Variants in ZRANB3 observed in about 807,000 individuals in gnomAD.
ZRANB3 encodes the protein zinc finger RANBP2-type containing 3.
ZRANB3 carries 125 observed loss-of-function variants against 133.8 expected under a neutral mutation model. The observed-to-expected ratio is 0.93, with a 90% CI of 0.81 to 1.08. ZRANB3 has a LOEUF of 1.08. Ranked by LOEUF, ZRANB3 falls within the 50% of genes least tolerant of loss-of-function variation. The pLI, the probability that ZRANB3 is intolerant of heterozygous loss-of-function variation, is 0.00. For synonymous variants in ZRANB3, 387 were observed against 432.7 expected, an observed-to-expected ratio of 0.89 and a Z score of 1.31; for missense variants, 1,229 against 1,275.5, an observed-to-expected ratio of 0.96 and a Z score of 0.56.
At chr2:135,262,741 A>T (rs1680025771) in intron 12 of ZRANB3, among the ~76,000 whole-genome samples, 1 of 152,040 alleles carries the variant, frequency 6.6e-6, no homozygotes, top group African/African-American at 2.4e-5. Flanking sequence ...TAATCATGCC[A>T]CTGGACTCCA....
chr2:135,327,210 G>A (rs1683878784), intron 6 of ZRANB3, among the ~76,000 whole-genome samples: 1 of 152,134 alleles, frequency 6.6e-6, no homozygotes, highest in South Asian at 2.1e-4. Flanking sequence ...AGGAATGTGA[G>A]GATCCAACAG....
chr2:135,232,487 G>A (rs1695076453), intron 12 of ZRANB3, among the ~76,000 whole-genome samples: 1 of 152,206 alleles, frequency 6.6e-6, no homozygotes, highest in South Asian at 2.1e-4. Flanking sequence ...AGAATGGACA[G>A]ACTGCCTCCT....
chr2:135,397,834 A>T (rs1687560960), intron 2 of ZRANB3, among the ~76,000 whole-genome samples: 1 of 152,116 alleles, frequency 6.6e-6, no homozygotes, highest in South Asian at 2.1e-4. Flanking sequence ...TCAAGAGGAA[A>T]GCTGAAAGTT....
intron 2 of ZRANB3, among the ~76,000 whole-genome samples, chr2:135,398,535 T>C (rs1200987603): frequency 6.7e-6 from 1 of 150,026 alleles, no homozygotes; most frequent in Non-Finnish European, 1.5e-5. Flanking sequence ...TTTTTTTTTT[T>C]TGAGATGGAG....
Position 135,230,944 on chromosome 2 carries a change from G to A in ZRANB3, c.1540-17C>T, listed in dbSNP as rs1361998989. On this transcript the variant is annotated splice_polypyrimidine_tract_variant and intron_variant, in intron 12 of 20. Coordinates refer to ENST00000264159, the MANE Select transcript of ZRANB3 (RefSeq NM_032143.4). ...TTTTTCGAACTAGGAAAAGCAAACA[G>A]TAGTTATCAAAGTAAGAAGCAATCT... 9.2e-6 allele frequency: 14 copies of A among 1,523,258 alleles called. No individual in the cohort carries two copies. Among genetic ancestry groups the A allele is most frequent in the Non-Finnish European group, 1.1e-5 (13 of 1,139,666 alleles). The allele number at this position is 1,523,258 out of a possible 1,614,324, so 94.4% of individuals were successfully genotyped here. A position where few individuals can be genotyped will look rare whatever the true frequency, so the allele number is the denominator to read the frequency against.
chr2:135,504,481 C>A lies in ZRANB3; in HGVS notation c.9G>T (p.Arg3Ser), dbSNP rs561865479. 1.9e-6 allele frequency: 3 copies of A among 1,608,708 alleles called. No individual in the cohort carries two copies. The highest frequency in any genetic ancestry group is 2.7e-5 in the African/African-American group (2 of 74,652). The change falls in exon 2 of 21, where the codon AGG becomes AGT. Residue 3 changes from arginine to serine, a missense_variant. Arg to Ser is a moderately radical substitution (Grantham distance 110, BLOSUM62 -1). Coordinates refer to ENST00000264159, the MANE Select transcript of ZRANB3 (RefSeq NM_032143.4). ...TAAGAGACTTTTTTATGTTATGAAC[C>A]CTAGGCATGATGATCCTAAAAACAA... MPRVHNIKKSLTP... is the reference protein window; with the variant it reads MPSVHNIKKSLTP...
intron 2 of ZRANB3, among the ~76,000 whole-genome samples, chr2:135,501,230 T>C (rs1167045747): frequency 6.6e-6 from 1 of 151,956 alleles, no homozygotes; most frequent in African/African-American, 2.4e-5. Context: ...AAAAGAATAA[T>C]TCAATGAGTG....
At chr2:135,404,572 C>T (rs2104944151) in intron 2 of ZRANB3, among the ~76,000 whole-genome samples, 1 of 152,216 alleles carries the variant, frequency 6.6e-6, no homozygotes, top group African/African-American at 2.4e-5. Context: ...CAAGTCAGGC[C>T]AACATTCAAA....
At chr2:135,296,340 G>A (rs912359066) in intron 8 of ZRANB3, among the ~76,000 whole-genome samples, 4 of 151,842 alleles carry the variant, frequency 2.6e-5, no homozygotes, top group African/African-American at 7.3e-5. Flanking sequence ...ATCTTCCATC[G>A]CTGATACACT....
chr2:135,437,707 G>A (rs981669558), intron 2 of ZRANB3, among the ~76,000 whole-genome samples: 11 of 152,154 alleles, frequency 7.2e-5, no homozygotes, highest in African/African-American at 2.7e-4. Flanking sequence ...CACACTCTGA[G>A]TTCATAAATT....
intron 12 of ZRANB3, among the ~76,000 whole-genome samples, chr2:135,258,451 C>T (rs906485220): frequency 6.6e-6 from 1 of 152,126 alleles, no homozygotes; most frequent in Non-Finnish European, 1.5e-5. Flanking sequence ...ATCTGTGAAG[C>T]GCAAAGCCTG....
Position 135,361,905 on chromosome 2 carries a change from T to C in ZRANB3, c.181-8277A>G, listed in dbSNP as rs574057215. On this transcript the variant is annotated intron_variant, in intron 3 of 20. Transcript: ENST00000264159. Reference sequence around the variant, plus strand: ...TACACGTGATTATTTGTTCTTAGAATTGTGTGTGTACGGCCGGGCACAGTG... The same window carrying C: ...TACACGTGATTATTTGTTCTTAGAACTGTGTGTGTACGGCCGGGCACAGTG... Among the ~76,000 whole-genome samples the C allele has an allele frequency of 7.9e-4, 121 of 152,212 alleles. 1 individual carries two copies. The highest frequency in any genetic ancestry group is 2.6e-3 in the African/African-American group (107 of 41,532).
At chr2:135,318,245 T>TGTGTGTGC (rs1683353779) in intron 6 of ZRANB3, among the ~76,000 whole-genome samples, 1 of 151,284 alleles carries the variant, frequency 6.6e-6, no homozygotes, top group African/African-American at 2.4e-5. Context: ...TGTGTGTGTG[T>TGTGTGTGC]GTGTGTGTGT....
chr2:135,460,544 G>C (rs1690718786), intron 2 of ZRANB3, among the ~76,000 whole-genome samples: 1 of 152,112 alleles, frequency 6.6e-6, no homozygotes, highest in Admixed American at 6.6e-5. Flanking sequence ...TGGGATTGCA[G>C]GTGTGAGCCA....
intron 2 of ZRANB3, among the ~76,000 whole-genome samples, chr2:135,435,929 C>A (rs1410936409): frequency 6.6e-6 from 1 of 152,082 alleles, no homozygotes; most frequent in Non-Finnish European, 1.5e-5. Flanking sequence ...TTCTCTCATT[C>A]TGTAGATTTT....
At chr2:135,486,880 C>T (rs1245940078) in intron 2 of ZRANB3, among the ~76,000 whole-genome samples, 1 of 152,200 alleles carries the variant, frequency 6.6e-6, no homozygotes, top group Non-Finnish European at 1.5e-5. Flanking sequence ...TTCCAAATTC[C>T]TATTGATTTG....
At chr2:135,377,116 A>G (rs1372092095) in intron 3 of ZRANB3, among the ~76,000 whole-genome samples, 1 of 152,262 alleles carries the variant, frequency 6.6e-6, no homozygotes, top group Non-Finnish European at 1.5e-5. Context: ...TCAGCAATTA[A>G]GTAAACAGAT....
chr2:135,377,553 T>C (rs1157628234), intron 3 of ZRANB3, among the ~76,000 whole-genome samples: 1 of 152,198 alleles, frequency 6.6e-6, no homozygotes, highest in Non-Finnish European at 1.5e-5. Flanking sequence ...GAAGGGGTTA[T>C]GTCAAAGGGA....
chr2:135,328,116 G>A (rs1683931251), intron 6 of ZRANB3, among the ~76,000 whole-genome samples: 2 of 151,768 alleles, frequency 1.3e-5, no homozygotes, highest in Non-Finnish European at 1.5e-5. Context: ...TGCACAACAT[G>A]CAGGTTTGTT....
Sources: gnomAD v4.1 joint callset for allele counts (sites outside exome capture counted in the v4.1 genomes callset) on GRCh38, gnomAD v4.1.1 for gene constraint, MANE v1.5 for transcripts, NCBI Gene and HGNC (gene_info 2026-07-23, HGNC 2026-07-21) for gene names.